The following ATG7 variants were observed in gnomAD, a reference collection of about 807,000 sequenced individuals.
ATG7 encodes the protein autophagy related 7.
ATG7 carries 70 observed loss-of-function variants against 82.4 expected under a neutral mutation model. The observed-to-expected ratio is 0.85, with a 90% CI of 0.70 to 1.04. ATG7 has a LOEUF of 1.04. Ranked by LOEUF, ATG7 falls within the 50% of genes least tolerant of loss-of-function variation. ATG7 has a pLI of 0.00. For synonymous variants in ATG7, 287 were observed against 313.0 expected (o/e 0.92, Z 0.88); for missense variants, 792 against 864.3 (o/e 0.92, Z 1.05).
intron 19 of ATG7, among the ~76,000 whole-genome samples, chr3:11,392,303 T>A (rs1164650613): frequency 1.3e-5 from 2 of 152,078 alleles, no homozygotes; most frequent in African/African-American, 4.8e-5. Flanking sequence ...CTGCTAAGAA[T>A]CCAAGACAGT....
In ATG7 at chr3:11,331,344, C is replaced by T. The variant is rs774934018; in HGVS notation, c.683C>T (p.Thr228Ile). 6.2e-7 allele frequency: 1 copy of T among 1,611,980 alleles called. No individual in the cohort carries two copies. Among genetic ancestry groups the T allele is most frequent in the Non-Finnish European group, 8.5e-7 (1 of 1,178,268 alleles). Residue 228 changes from threonine to isoleucine, a missense_variant, in exon 10 of 21, where the codon ACA becomes ATA. Transcript: ENST00000693202. The stretch of plus-strand genomic sequence containing the variant: ...GAAAGTCTTTTTTGTTCACAGATAA[C>T]AATTGGTGTATATGATCCCTGTAAC... ...DFFQGQRTKI[T>I]IGVYDPCNLA...
rs570389731 is a variant in ATG7, at chr3:11,438,172, T to C, written c.2079+11246T>C. Reference sequence around the variant, plus strand: ...AGGTCCTGCTGCTCCAGCAGGCCTCTTCTAGGTGAGCGTCTTCTCTGGGTG... The same window carrying C: ...AGGTCCTGCTGCTCCAGCAGGCCTCCTCTAGGTGAGCGTCTTCTCTGGGTG... On this transcript the variant is annotated intron_variant, in intron 20 of 20. Transcript: ENST00000693202. Among the ~76,000 whole-genome samples, 125 of 152,268 alleles carry C rather than the reference T, an allele frequency of 8.2e-4. 2 individuals are homozygous for C. The Middle Eastern group carries it at 0.014, about 17-fold the overall frequency.
chr3:11,570,619 A>T, the ATG7 span, among the ~76,000 whole-genome samples: 1 of 152,254 alleles, frequency 6.6e-6, no homozygotes, highest in Non-Finnish European at 1.5e-5. Context: ...TCCAGTTAAC[A>T]GCGTTTGTGG....
intron 20 of ATG7, among the ~76,000 whole-genome samples, chr3:11,486,943 A>G (rs2153040845): frequency 6.6e-6 from 1 of 151,504 alleles, no homozygotes; most frequent in South Asian, 2.1e-4. Context: ...AAACAAGTGA[A>G]CAAAGGTCTT....
At chr3:11,478,889 A>G (rs556367228) in intron 20 of ATG7, among the ~76,000 whole-genome samples, 2 of 152,226 alleles carry the variant, frequency 1.3e-5, no homozygotes, top group South Asian at 2.1e-4. Context: ...ATTTATGTAT[A>G]TAATTGAGAT....
At chr3:11,278,897 G>A (rs565004506) in intron 1 of ATG7, among the ~76,000 whole-genome samples, 1 of 152,198 alleles carries the variant, frequency 6.6e-6, no homozygotes, top group African/African-American at 2.4e-5. Flanking sequence ...GTCAGGGAAG[G>A]CTTCCCTCAG....
intron 19 of ATG7, among the ~76,000 whole-genome samples, chr3:11,402,788 A>C (rs1379531620): frequency 1.3e-5 from 2 of 152,174 alleles, no homozygotes; most frequent in Non-Finnish European, 2.9e-5. Flanking sequence ...ATTTTTTAAC[A>C]ATTTTTTTAA....
chr3:11,283,868 G>T (rs1003561389), intron 3 of ATG7, among the ~76,000 whole-genome samples: 1 of 152,108 alleles, frequency 6.6e-6, no homozygotes, highest in Non-Finnish European at 1.5e-5. Flanking sequence ...GTAGACGGAG[G>T]TTGCAGTGAG....
intron 20 of ATG7, among the ~76,000 whole-genome samples, chr3:11,468,071 G>C (rs2087020242): frequency 1.3e-5 from 2 of 152,146 alleles, no homozygotes; most frequent in Admixed American, 6.5e-5. Context: ...AGTTTGACTT[G>C]TGACATCAGA....
intron 19 of ATG7, among the ~76,000 whole-genome samples, chr3:11,380,856 G>A (rs1241626472): frequency 3.3e-5 from 5 of 152,108 alleles, no homozygotes; most frequent in African/African-American, 7.2e-5. Flanking sequence ...ACTATTTTTC[G>A]TGTAGCCTTC....
At chr3:11,319,456 A>T (rs758225860) in intron 9 of ATG7, among the ~76,000 whole-genome samples, 5 of 152,208 alleles carry the variant, frequency 3.3e-5, no homozygotes, top group Non-Finnish European at 7.3e-5. Context: ...CCTCATGTGT[A>T]GGATGGAGAA....
At chr3:11,424,443 C>A (rs1348421038) in intron 19 of ATG7, among the ~76,000 whole-genome samples, 2 of 151,876 alleles carry the variant, frequency 1.3e-5, no homozygotes, top group Non-Finnish European at 1.5e-5. Flanking sequence ...TGTGCCATTG[C>A]ACTCCAGCCT....
At chr3:11,532,655 C>T (rs924009022) in intron 20 of ATG7, among the ~76,000 whole-genome samples, 1 of 152,062 alleles carries the variant, frequency 6.6e-6, no homozygotes. Context: ...TCCCCAAGGC[C>T]GAGGCTACAG....
chr3:11,445,677 C>A (rs1331600863), intron 20 of ATG7, among the ~76,000 whole-genome samples: 1 of 152,114 alleles, frequency 6.6e-6, no homozygotes, highest in Non-Finnish European at 1.5e-5. Context: ...CCTGAACTTA[C>A]AAGTTTCAAA....
intron 20 of ATG7, among the ~76,000 whole-genome samples, chr3:11,538,480 G>A (rs2070513481): frequency 6.6e-6 from 1 of 151,902 alleles, no homozygotes; most frequent in African/African-American, 2.4e-5. Context: ...TGAGCTCTGA[G>A]TTCCTTAAGT....
At chr3:11,484,404 A>G (rs2089376957) in intron 20 of ATG7, among the ~76,000 whole-genome samples, 1 of 137,532 alleles carries the variant, frequency 7.3e-6, no homozygotes, top group South Asian at 2.2e-4. Context: ...AAATGAAAAA[A>G]CAAACAAACA....
At chr3:11,294,734 C>G (rs1199540272) in intron 3 of ATG7, among the ~76,000 whole-genome samples, 2 of 152,216 alleles carry the variant, frequency 1.3e-5, no homozygotes, top group Non-Finnish European at 2.9e-5. Context: ...CTCCAGACTC[C>G]TGGCCTCCAT....
chr3:11,396,178 G>A (rs1368634419), intron 19 of ATG7, among the ~76,000 whole-genome samples: 3 of 151,916 alleles, frequency 2.0e-5, no homozygotes, highest in East Asian at 1.9e-4. Context: ...CAGGCACAGT[G>A]GCTCATGCCT....
chr3:11,357,985 G>T (rs1295112344), intron 14 of ATG7, among the ~76,000 whole-genome samples: 1 of 150,636 alleles, frequency 6.6e-6, no homozygotes, highest in African/African-American at 2.4e-5. Flanking sequence ...CTCTAGCCTG[G>T]GTGACAAAGT....
Sources: gnomAD v4.1 joint callset for allele counts (sites outside exome capture counted in the v4.1 genomes callset) on GRCh38, gnomAD v4.1.1 for gene constraint, MANE v1.5 for transcripts, NCBI Gene and HGNC (gene_info 2026-07-23, HGNC 2026-07-21) for gene names.